The following CCDC91 variants were observed in gnomAD, a reference collection of about 807,000 sequenced individuals.
CCDC91 encodes coiled-coil domain-containing protein 91.
Under a neutral mutation model 63.2 loss-of-function variants are expected in CCDC91, and 48 were observed. The ratio of observed to expected loss-of-function variants is 0.76; its 90% CI spans 0.60 to 0.97. CCDC91 has a LOEUF of 0.97. Ranked by LOEUF, CCDC91 falls within the 50% of genes least tolerant of loss-of-function variation. The pLI, the probability that CCDC91 is intolerant of heterozygous loss-of-function variation, is 0.00. For missense variants in CCDC91, 500 were observed against 494.6 expected, an observed-to-expected ratio of 1.01 and a Z score of -0.10; for synonymous variants, 167 against 165.8, an observed-to-expected ratio of 1.01 and a Z score of -0.06.
At chr12:28,501,376 G>T (rs989598848) in intron 12 of CCDC91, among the ~76,000 whole-genome samples, 19 of 151,742 alleles carry the variant, frequency 1.3e-4, no homozygotes, top group Non-Finnish European at 2.7e-4. Flanking sequence ...TTTGAGATAC[G>T]TCCCATCAAT....
intron 6 of CCDC91, among the ~76,000 whole-genome samples, chr12:28,314,222 G>T (rs967000568): frequency 6.6e-6 from 1 of 151,816 alleles, no homozygotes; most frequent in African/African-American, 2.4e-5. Context: ...TGAAAATAAA[G>T]TGTTTCAGAG....
In CCDC91 at chr12:28,450,160, G is replaced by A; in HGVS notation, c.763-1G>A. 1 of 1,580,870 alleles carries A rather than the reference G, an allele frequency of 6.3e-7. No individual in the cohort carries two copies. Among genetic ancestry groups the A allele is most frequent in the Non-Finnish European group, 8.6e-7 (1 of 1,158,676 alleles). Reference sequence around the variant, plus strand: ...TATAATTTGCTTATCATTCCTTGTAGCATCAGAGGCTCCTTGAAATGCTAG... The same window carrying A: ...TATAATTTGCTTATCATTCCTTGTAACATCAGAGGCTCCTTGAAATGCTAG... On this transcript the variant is annotated splice_acceptor_variant, in intron 8 of 12. Transcript: ENST00000536442. LOFTEE classifies it high-confidence loss of function.
intron 3 of CCDC91, among the ~76,000 whole-genome samples, chr12:28,296,676 T>C (rs1279464926): frequency 6.6e-6 from 1 of 151,924 alleles, no homozygotes; most frequent in Non-Finnish European, 1.5e-5. Context: ...TCATTTCCTG[T>C]GAGTAACCCT....
At chr12:28,361,445 C>T (rs1943878547) in intron 6 of CCDC91, among the ~76,000 whole-genome samples, 1 of 151,996 alleles carries the variant, frequency 6.6e-6, no homozygotes, top group Non-Finnish European at 1.5e-5. Flanking sequence ...TATCATCTTA[C>T]TACTTGTTTC....
At chr12:28,301,105 A>G (rs1252821102) in intron 3 of CCDC91, among the ~76,000 whole-genome samples, 4 of 151,538 alleles carry the variant, frequency 2.6e-5, no homozygotes, top group Non-Finnish European at 5.9e-5. Context: ...CTTTAGTACA[A>G]TGTTTAAAGA....
At chr12:28,251,741 A>G (rs1946129407) in intron 1 of CCDC91, among the ~76,000 whole-genome samples, 1 of 152,060 alleles carries the variant, frequency 6.6e-6, no homozygotes, top group Non-Finnish European at 1.5e-5. Context: ...ATGATGGTAA[A>G]ACATATGAGC....
intron 8 of CCDC91, among the ~76,000 whole-genome samples, chr12:28,401,008 T>A (rs1946588567): frequency 6.6e-6 from 1 of 152,114 alleles, no homozygotes; most frequent in African/African-American, 2.4e-5. Flanking sequence ...TTTCCCACAT[T>A]TTCCTATCTT....
intron 8 of CCDC91, among the ~76,000 whole-genome samples, chr12:28,437,891 TG>T (rs1301147214): frequency 1.3e-5 from 2 of 152,256 alleles, no homozygotes; most frequent in East Asian, 3.9e-4. Context: ...TTTTGTCAAC[TG>T]ATTTTTTTAA....
chr12:28,275,410 G>A (rs1295768535), intron 3 of CCDC91, among the ~76,000 whole-genome samples: 1 of 152,060 alleles, frequency 6.6e-6, no homozygotes, highest in African/African-American at 2.4e-5. Context: ...ACCCTCCCAA[G>A]ACTAAACCAG....
chr12:28,369,896 G>A (rs1353822238), intron 7 of CCDC91, among the ~76,000 whole-genome samples: 1 of 152,178 alleles, frequency 6.6e-6, no homozygotes, highest in East Asian at 1.9e-4. Flanking sequence ...GAGTAGCTGG[G>A]ACAGTGTGCC....
intron 3 of CCDC91, among the ~76,000 whole-genome samples, chr12:28,290,968 A>G (rs1949212216): frequency 6.6e-6 from 1 of 152,210 alleles, no homozygotes; most frequent in African/African-American, 2.4e-5. Context: ...CTTTATATGA[A>G]GGTATTTCCT....
intron 1 of CCDC91, among the ~76,000 whole-genome samples, chr12:28,217,831 AGACTT>A (rs1313332029): frequency 6.6e-6 from 1 of 152,172 alleles, no homozygotes; most frequent in Admixed American, 6.5e-5. Context: ...AGTAAGATAC[AGACTT>A]TTACTAAGCA....
chr12:28,482,149 ATTAACATG>A (rs2140898468), intron 11 of CCDC91, among the ~76,000 whole-genome samples: 1 of 152,070 alleles, frequency 6.6e-6, no homozygotes, highest in Non-Finnish European at 1.5e-5. Context: ...CTACAGAAGT[ATTAACATG>A]TTATATTTCA....
chr12:28,287,174 A>C (rs1351814564), intron 3 of CCDC91, among the ~76,000 whole-genome samples: 1 of 151,732 alleles, frequency 6.6e-6, no homozygotes, highest in East Asian at 1.9e-4. Context: ...ATACTGTATT[A>C]ATACTTTCTT....
At chr12:28,251,629 C>T (rs1312207438) in intron 1 of CCDC91, among the ~76,000 whole-genome samples, 1 of 151,994 alleles carries the variant, frequency 6.6e-6, no homozygotes, top group African/African-American at 2.4e-5. Flanking sequence ...GCTTTTCCAG[C>T]CTCCTCATCT....
chr12:28,494,801 C>T (rs1565473918), intron 12 of CCDC91, among the ~76,000 whole-genome samples: 1 of 151,634 alleles, frequency 6.6e-6, no homozygotes, highest in Non-Finnish European at 1.5e-5. Context: ...AGTTGTATAC[C>T]TGGTCCTAAG....
intron 12 of CCDC91, among the ~76,000 whole-genome samples, chr12:28,489,019 C>G (rs1951864550): frequency 6.6e-6 from 1 of 151,928 alleles, no homozygotes; most frequent in African/African-American, 2.4e-5. Context: ...TGGTGTCATG[C>G]TTCAATAGCA....
chr12:28,316,635 A>G (rs1311342497), intron 6 of CCDC91, among the ~76,000 whole-genome samples: 1 of 103,868 alleles, frequency 9.6e-6, no homozygotes, highest in Non-Finnish European at 1.9e-5. Context: ...TTTTTTTCAT[A>G]TAATAGCATT....
chr12:28,278,578 G>A (rs1948398183), intron 3 of CCDC91, among the ~76,000 whole-genome samples: 1 of 152,022 alleles, frequency 6.6e-6, no homozygotes, highest in African/African-American at 2.4e-5. Context: ...ACCTGTATAA[G>A]TCTTTCTCAA....
Sources: allele counts gnomAD v4.1 joint callset (sites outside exome capture counted in the v4.1 genomes callset), GRCh38; gene constraint gnomAD v4.1.1; transcripts MANE v1.5; gene names NCBI Gene and HGNC (gene_info 2026-07-23, HGNC 2026-07-21).